HTT: variants seen among roughly 807,000 people sequenced by gnomAD.
HTT encodes huntingtin.
HTT carries 104 observed loss-of-function variants against 362.3 expected under a neutral mutation model. The ratio of observed to expected loss-of-function variants is 0.29; its 90% CI spans 0.24 to 0.34. The LOEUF is 0.34. Among genes scored for constraint, HTT ranks in the 10% least tolerant of loss-of-function variants. HTT has a pLI of 1.00. For missense variants in HTT, 3,301 were observed against 3,928.6 expected (o/e 0.84, Z 4.27); for synonymous variants, 1,577 against 1,548.7 (o/e 1.02, Z -0.43).
chr4:3,158,075 T>TCATCCTC (rs11281002), intron 28 of HTT, among the ~76,000 whole-genome samples: 18 of 150,922 alleles, frequency 1.2e-4, no homozygotes, highest in African/African-American at 1.7e-4. Context: ...CCCTGCAGTC[T>TCATCCTC]CAGGGCTCAA....
chr4:3,091,348 A>T (rs1267030228), intron 2 of HTT, among the ~76,000 whole-genome samples: 2 of 152,108 alleles, frequency 1.3e-5, no homozygotes, highest in African/African-American at 4.8e-5. Flanking sequence ...TTGCAAACAA[A>T]CATAAAGTTC....
In HTT at chr4:3,199,644, G is replaced by T. The variant is rs1183965419; in HGVS notation, c.5369-88G>T. The stretch of plus-strand genomic sequence containing the variant: ...GTAAGTATGGGAGACGACTCAGCCT[G>T]TTTCATTTTTATGTAAAATCTTCGC... On this transcript the variant is annotated intron_variant, in intron 40 of 66. Coordinates refer to ENST00000355072, the MANE Select transcript of HTT (RefSeq NM_001388492.1). The T allele has an allele frequency of 2.5e-6, 3 of 1,200,894 alleles. No individual in the cohort carries two copies. The African/African-American group carries it at 4.5e-5, about 18-fold the overall frequency. The allele number at this position is 1,200,894 out of a possible 1,614,324, so 74.4% of individuals were successfully genotyped here.
chr4:3,092,058 G>T lies in HTT; in HGVS notation c.347+5036G>T, dbSNP rs576366107. On this transcript the variant is annotated intron_variant, in intron 2 of 66. Coordinates refer to ENST00000355072, the MANE Select transcript of HTT (RefSeq NM_001388492.1). ...GTTTATTGAGATGGAGTCTTGCACT[G>T]TCCGCCTGGGCCAGAGTGCAATGGT... Among the ~76,000 whole-genome samples, 12 of 152,274 alleles carry T rather than the reference G, an allele frequency of 7.9e-5. No homozygotes were observed. The South Asian group carries it at 2.1e-3, about 26-fold the overall frequency.
chr4:3,106,576 G>T (rs994142271), intron 5 of HTT, among the ~76,000 whole-genome samples: 4 of 152,136 alleles, frequency 2.6e-5, no homozygotes, highest in Non-Finnish European at 5.9e-5. Flanking sequence ...CCATTTCCCA[G>T]TGCCGTTTAG....
rs543126040 is a variant in HTT, at chr4:3,216,893, C to T, written c.7055-872C>T. On this transcript the variant is annotated intron_variant, in intron 51 of 66. Transcript: ENST00000355072. ...ACAAAAAATTAGCCGGGCGTAGTGG[C>T]GGGCGCCTGTAGTCCCAGCTACTTG... is the stretch of plus-strand genomic sequence containing the variant. Among the ~76,000 whole-genome samples, 502 of 151,060 alleles carry T rather than the reference C, an allele frequency of 3.3e-3. 4 individuals carry two copies. Among genetic ancestry groups the T allele is most frequent in the East Asian group, 0.018 (93 of 5,134 alleles).
In HTT at chr4:3,148,199, G is replaced by A. The variant is rs772789582; in HGVS notation, c.3490G>A (p.Ala1164Thr). The A allele has an allele frequency of 9.6e-6, 15 of 1,570,578 alleles. No individual in the cohort carries two copies. The highest frequency in any genetic ancestry group is 2.7e-5 in the African/African-American group (2 of 73,958). ...CCTGGATGACGTGGCTCCTGGACCCGCAATAAAGGTAATGTCCCACTTGGG... is the reference window on the plus strand; with the variant it reads ...CCTGGATGACGTGGCTCCTGGACCCACAATAAAGGTAATGTCCCACTTGGG... ...HVLDDVAPGP[A>T]IKAALPSLTN... Residue 1164 changes from alanine to threonine, a missense_variant, in exon 26 of 67, where the codon GCA (alanine) becomes ACA (threonine). By Grantham distance (58) the Ala-to-Thr change is moderately conservative. Coordinates refer to ENST00000355072, the MANE Select transcript of HTT (RefSeq NM_001388492.1).
chr4:3,215,111 T>C lies in HTT; in HGVS notation c.6954T>C (p.Val2318=), dbSNP rs745743494. 28 of 1,611,238 alleles carry C rather than the reference T, an allele frequency of 1.7e-5. No individual in the cohort carries two copies. The highest frequency in any genetic ancestry group is 5.0e-5 in the Admixed American group (3 of 59,892). Residue 2318 remains valine, a splice_region_variant and synonymous_variant, in exon 51 of 67, where the codon GTT becomes GTC. Coordinates refer to ENST00000355072, the MANE Select transcript of HTT (RefSeq NM_001388492.1). ...IYCVHFILEA[V]AVQPGEQLLS... ...CTCTTTGTTCTGTTGTAATTTTAGT[T>C]GCAGTGCAGCCTGGAGAGCAGCTTC...
intron 60 of HTT, 92 bp downstream of exon 60, chr4:3,230,134 G>T: frequency 9.0e-7 from 1 of 1,107,542 alleles, no homozygotes; most frequent in Non-Finnish European, 1.4e-6. Flanking sequence ...GCCGGGTGCG[G>T]CTGCCTCCTT....
intron 26 of HTT, among the ~76,000 whole-genome samples, chr4:3,148,523 C>A (rs1355877953): frequency 6.6e-6 from 1 of 152,068 alleles, no homozygotes; most frequent in Non-Finnish European, 1.5e-5. Flanking sequence ...TTGGGCCGGG[C>A]GTGGTGGCTC....
chr4:3,239,717 G>A (rs534466846), intron 66 of HTT, 129 bp from the exon 67 acceptor site: 36 of 709,036 alleles, frequency 5.1e-5, no homozygotes, highest in East Asian at 4.6e-4. Context: ...TGGCCCTTCC[G>A]GGGCTCTGCT....
At chr4:3,164,523 G>A (rs9884693) in intron 29 of HTT, among the ~76,000 whole-genome samples, 44,665 of 151,976 alleles carry the variant, frequency 0.29, 7,614 homozygotes, top group East Asian at 0.46. Context: ...ATTGACAGTG[G>A]GGTGTTAAAG....
chr4:3,102,982 C>T (rs1461711359), intron 3 of HTT, among the ~76,000 whole-genome samples: 1 of 152,084 alleles, frequency 6.6e-6, no homozygotes, highest in African/African-American at 2.4e-5. Flanking sequence ...ACGGGCATAC[C>T]TGACAGTGAG....
intron 3 of HTT, among the ~76,000 whole-genome samples, chr4:3,102,483 A>G (rs1037639933): frequency 1.3e-5 from 2 of 152,256 alleles, no homozygotes; most frequent in African/African-American, 4.8e-5. Context: ...TTGCTCATTT[A>G]AGGACTTTCA....
intron 64 of HTT, 82 bp downstream of exon 64, chr4:3,236,336 AT>A: frequency 1.0e-6 from 1 of 952,454 alleles, no homozygotes; most frequent in South Asian, 1.3e-5. Context: ...GTGTCTGCTG[AT>A]CCCCTGGCGC....
chr4:3,216,697 C>A (rs925798313), intron 51 of HTT, among the ~76,000 whole-genome samples: 1 of 152,050 alleles, frequency 6.6e-6, no homozygotes, highest in Non-Finnish European at 1.5e-5. Flanking sequence ...TTTTTAATCA[C>A]CTCGATAGGA....
In HTT at chr4:3,091,083, G is replaced by A. The variant is rs1713481464; in HGVS notation, c.347+4061G>A. On this transcript the variant is annotated intron_variant, in intron 2 of 66. Coordinates refer to ENST00000355072, the MANE Select transcript of HTT (RefSeq NM_001388492.1). ...GCCTAGATCGCACCACTGCATTCCA[G>A]CCTGGGCGACAAGAGCAAAATTCTG... Among the ~76,000 whole-genome samples, 3 of 152,206 alleles carry A rather than the reference G, an allele frequency of 2.0e-5. No individual in the cohort carries two copies. In the South Asian group the frequency reaches 6.2e-4, roughly 31 times the overall value.
chr4:3,113,889 G>C (rs573323340), intron 6 of HTT, among the ~76,000 whole-genome samples: 1 of 152,172 alleles, frequency 6.6e-6, no homozygotes, highest in South Asian at 2.1e-4. Context: ...ACAGTGTCCA[G>C]AGGTGCCGAG....
intron 31 of HTT, among the ~76,000 whole-genome samples, chr4:3,173,622 C>T (rs1487438278): frequency 6.6e-6 from 1 of 151,976 alleles, no homozygotes; most frequent in African/African-American, 2.4e-5. Flanking sequence ...GGATATATTA[C>T]CTTGTGTTTT....
At chr4:3,168,862 C>A (rs1263077346) in intron 29 of HTT, among the ~76,000 whole-genome samples, 1 of 152,050 alleles carries the variant, frequency 6.6e-6, no homozygotes, top group East Asian at 1.9e-4. Context: ...GGGTGACAGA[C>A]TTTATACTGT....
Sources: gnomAD v4.1 joint callset for allele counts (sites outside exome capture counted in the v4.1 genomes callset) on GRCh38, gnomAD v4.1.1 for gene constraint, MANE v1.5 for transcripts, NCBI Gene and HGNC (gene_info 2026-07-23, HGNC 2026-07-21) for gene names.